The following SPINK7 variants were observed in gnomAD, a reference collection of about 807,000 sequenced individuals.
The protein encoded by SPINK7 is serine protease inhibitor Kazal-type 7.
In SPINK7, 8 loss-of-function variants were observed where a neutral mutation model predicts 11.6. That is an observed-to-expected ratio of 0.69 (90% CI 0.41 to 1.25). The LOEUF (loss-of-function observed/expected upper bound fraction) is 1.25, where lower values mean the gene tolerates loss of function less well. Among genes scored for constraint, SPINK7 ranks in the 50% most tolerant of loss-of-function variants. The pLI is 0.01. For synonymous variants in SPINK7, 38 were observed against 35.3 expected (o/e 1.08, Z -0.27); for missense variants, 113 against 99.3 (o/e 1.14, Z -0.58).
At chr5:148,315,139 T>A (rs1007383065) in intron 3 of SPINK7, among the ~76,000 whole-genome samples, 3 of 152,188 alleles carry the variant, frequency 2.0e-5, no homozygotes, top group Non-Finnish European at 2.9e-5. Context: ...CAAAAGGACA[T>A]GTCTATGTAT....
At chr5:148,314,351 C>A in intron 3 of SPINK7, 127 bp downstream of exon 3, 2 of 1,096,032 alleles carry the variant, frequency 1.8e-6, no homozygotes, top group Non-Finnish European at 2.6e-6. Flanking sequence ...CCCAGAACAG[C>A]AGGTGGGGAT....
At chr5:148,315,135 G>C (rs887553947) in intron 3 of SPINK7, among the ~76,000 whole-genome samples, 8 of 152,136 alleles carry the variant, frequency 5.3e-5, no homozygotes, top group African/African-American at 1.9e-4. Context: ...AGCCCAAAAG[G>C]ACATGTCTAT....
chr5:148,312,648 T>A, intron 1 of SPINK7, 104 bp downstream of exon 1: 1 of 693,782 alleles, frequency 1.4e-6, no homozygotes, highest in Non-Finnish European at 2.5e-6. Flanking sequence ...TGTAAGAATT[T>A]AAAGTGTACT....
At position 148,312,426 on chromosome 5, in the gene SPINK7, G is replaced by A. The variant is rs1457587325; in HGVS notation, c.-58G>A. The A allele has an allele frequency of 2.6e-6, 3 of 1,142,256 alleles. No homozygotes were observed. The highest frequency in any genetic ancestry group is 2.3e-5 in the East Asian group (1 of 42,676). 70.8% of individuals were successfully genotyped at this position (1,142,256 alleles called of 1,614,324 possible). On this transcript the variant is annotated 5_prime_UTR_variant, in exon 1 of 4. Coordinates refer to ENST00000274565, the MANE Select transcript of SPINK7 (RefSeq NM_032566.3). ...AACATGACCCCTTACCTGGGATATG[G>A]TCGATGCAGCTGTAGTGACAATCTC...
Position 148,314,813 on chromosome 5 carries a change from G to T in SPINK7, c.212+589G>T, listed in dbSNP as rs79381918. On this transcript the variant is annotated intron_variant, in intron 3 of 3. Coordinates refer to ENST00000274565, the MANE Select transcript of SPINK7 (RefSeq NM_032566.3). ...GGCTCTAAGTATCTGTAGCTTTAAG[G>T]GGGGAATAAGGCTACAAAAATGATT... Among the ~76,000 whole-genome samples the T allele has an allele frequency of 5.9e-5, 9 of 152,016 alleles. 1 individual carries two copies. The highest frequency in any genetic ancestry group is 5.9e-4 in the Admixed American group (9 of 15,242).
At chr5:148,314,344 A>G in intron 3 of SPINK7, 120 bp downstream of exon 3, 2 of 1,156,580 alleles carry the variant, frequency 1.7e-6, no homozygotes, top group East Asian at 4.9e-5. Flanking sequence ...ATTCCCACCC[A>G]GAACAGCAGG....
chr5:148,314,063 GGGAGAAAAACA>G (rs746906878), intron 2 of SPINK7, 26 bp from the exon 3 acceptor site: 1 of 1,612,994 alleles, frequency 6.2e-7, no homozygotes, highest in Non-Finnish European at 8.5e-7. Flanking sequence ...CTTGGGGTCT[GGGAGAAAAACA>G]GGACATTTGC....
chr5:148,313,988 C>A, intron 2 of SPINK7, 112 bp from the exon 3 acceptor site: 1 of 1,380,816 alleles, frequency 7.2e-7, no homozygotes, highest in Non-Finnish European at 1.0e-6. Flanking sequence ...AAGAAGTGGC[C>A]AAGCAACATC....
rs757184484 is a variant in SPINK7, at chr5:148,315,681, C to T, written c.255C>T (p.Cys85=). Residue 85 remains cysteine, a synonymous_variant, in exon 4 of 4, where the codon TGC becomes TGT. Coordinates refer to ENST00000274565, the MANE Select transcript of SPINK7 (RefSeq NM_032566.3). ...TTCAGTTTCTTCACGATGGAAGTTG[C>T]TAAATTCTCCATGGACATAGAGAGA... The part of the protein sequence containing the change: ...GRVQFLHDGS[C] 32 of 1,576,398 alleles carry T rather than the reference C, an allele frequency of 2.0e-5. No individual in the cohort carries two copies. In the South Asian group the frequency reaches 3.4e-4, roughly 17 times the overall value.
intron 3 of SPINK7, chr5:148,314,501 T>A (rs1756904846): frequency 2.0e-6 from 1 of 488,064 alleles, no homozygotes; most frequent in Non-Finnish European, 3.7e-6. Context: ...CTCAAACTGC[T>A]GTCCCCAGAG....
chr5:148,314,020 C>G, intron 2 of SPINK7, 80 bp from the exon 3 acceptor site: 1 of 1,577,224 alleles, frequency 6.3e-7, no homozygotes, highest in Non-Finnish European at 8.6e-7. Context: ...GCTGGGACTT[C>G]CAGCCCTTGT....
At chr5:148,312,775 A>G (rs911084249) in intron 1 of SPINK7, among the ~76,000 whole-genome samples, 3 of 152,060 alleles carry the variant, frequency 2.0e-5, no homozygotes, top group Non-Finnish European at 4.4e-5. Context: ...ATTTCTCTGT[A>G]AGTCTTCCAT....
At chr5:148,314,390 G>A (rs1016139927) in intron 3 of SPINK7, 166 bp downstream of exon 3, 4 of 720,788 alleles carry the variant, frequency 5.5e-6, no homozygotes, top group Non-Finnish European at 9.0e-6. Flanking sequence ...CAATCAGACA[G>A]GGTAGAGTCA....
chr5:148,313,628 T>G, intron 2 of SPINK7: 1 of 411,902 alleles, frequency 2.4e-6, no homozygotes, highest in East Asian at 3.8e-5. Context: ...AGAACCGCCT[T>G]CCAGCTGAGA....
chr5:148,313,995 C>T, intron 2 of SPINK7, 105 bp from the exon 3 acceptor site: 6 of 1,445,106 alleles, frequency 4.2e-6, no homozygotes, highest in Non-Finnish European at 5.7e-6. Context: ...GGCCAAGCAA[C>T]ATCTGAATAT....
rs1049883572 is a variant in SPINK7 at position 148,312,688 on chromosome 5, G to A, written c.61+144G>A. The A allele has an allele frequency of 7.1e-6, 4 of 561,944 alleles. No homozygotes were observed. In the African/African-American group the frequency reaches 7.8e-5, roughly 11 times the overall value. 34.8% of individuals were successfully genotyped at this position (561,944 alleles called of 1,614,324 possible). On this transcript the variant is annotated intron_variant, in intron 1 of 3. Coordinates refer to ENST00000274565, the MANE Select transcript of SPINK7 (RefSeq NM_032566.3). ...TGTAATAGGATCTTATGTTCCATCT[G>A]GAGTTTGAGAGACTTGAGTCCAATG...
rs374904796 is a variant in SPINK7, at chr5:148,315,789, G to C, written c.*105G>C. 121 of 702,018 alleles carry C rather than the reference G, an allele frequency of 1.7e-4. No individual in the cohort carries two copies. The African/African-American group carries it at 1.9e-3, about 11-fold the overall frequency. The allele number at this position is 702,018 out of a possible 1,614,324, so 43.5% of individuals were successfully genotyped here. A position where few individuals can be genotyped will look rare whatever the true frequency, so the allele number is the denominator to read the frequency against. On this transcript the variant is annotated 3_prime_UTR_variant, in exon 4 of 4. Transcript: ENST00000274565. ...CAGTTTTACTGATGTTCTGGGTGGGGGACAGAGCCAGATTCAGAGTAATCT... is the reference window on the plus strand; with the variant it reads ...CAGTTTTACTGATGTTCTGGGTGGGCGACAGAGCCAGATTCAGAGTAATCT...
At chr5:148,313,522 T>A in intron 2 of SPINK7, 123 bp downstream of exon 2, 1 of 575,264 alleles carries the variant, frequency 1.7e-6, no homozygotes, top group Middle Eastern at 2.9e-4. Flanking sequence ...GGAGAAATGG[T>A]ACCTGTTCTC....
At chr5:148,313,970 A>G in intron 2 of SPINK7, 130 bp from the exon 3 acceptor site, 2 of 1,065,504 alleles carry the variant, frequency 1.9e-6, no homozygotes, top group South Asian at 1.5e-5. Flanking sequence ...TGATAACACT[A>G]GTACTTAAAG....
Sources: allele counts gnomAD v4.1 joint callset (sites outside exome capture counted in the v4.1 genomes callset), GRCh38; gene constraint gnomAD v4.1.1; transcripts MANE v1.5; gene names NCBI Gene and HGNC (gene_info 2026-07-23, HGNC 2026-07-21).